Variants in AP2M1 observed in about 807,000 individuals in gnomAD.
The protein encoded by AP2M1 is adaptor related protein complex 2 subunit mu 1.
AP2M1 carries 5 observed loss-of-function variants against 54.5 expected under a neutral mutation model. The observed-to-expected ratio is 0.09, with a 90% confidence interval of 0.05 to 0.19. AP2M1 has a LOEUF of 0.19. Among genes scored for constraint, AP2M1 ranks in the 10% least tolerant of loss-of-function variants. The probability of loss-of-function intolerance (pLI) is 1.00; values close to 1 mark genes in which losing one functional copy is unlikely to be tolerated. For synonymous variants in AP2M1, 186 were observed against 208.2 expected (o/e 0.89, Z 0.92); for missense variants, 178 against 580.2 (o/e 0.31, Z 7.12).
chr3:184,181,092 G>A lies in AP2M1; in HGVS notation c.573G>A (p.Val191=), dbSNP rs778206226. The change falls in exon 7 of 12, where the codon GTG becomes GTA. Residue 191 remains valine, a synonymous_variant. Transcript: ENST00000292807. The surrounding 1 kb of genome is among the most constrained non-coding windows in gnomAD (Gnocchi z 5.7). The stretch of plus-strand genomic sequence containing the variant: ...TATCTGTTCCATCACCAGGGCAGGT[G>A]CTGAGTGCCCATGTGTCGGGCCGGG... ...VNLLMSPQGQ[V]LSAHVSGRVV... The A allele has an allele frequency of 9.0e-5, 145 of 1,614,062 alleles. 1 individual carries two copies. Among genetic ancestry groups the A allele is most frequent in the Non-Finnish European group, 8.5e-6 (10 of 1,180,042 alleles).
chr3:184,178,845 C>G lies in AP2M1; in HGVS notation c.75-12C>G, dbSNP rs975651727. 1 of 1,612,878 alleles carries G rather than the reference C, an allele frequency of 6.2e-7. No homozygotes were observed. The highest frequency in any genetic ancestry group is 8.5e-7 in the Non-Finnish European group (1 of 1,179,492). ...GGGTGCTGAGCAGGCCCTATGCACT[C>G]TTTTCCCTCAGGAGGAACGCAGTGG... is the stretch of plus-strand genomic sequence containing the variant. On this transcript the variant is annotated splice_polypyrimidine_tract_variant and intron_variant, in intron 2 of 11. Transcript: ENST00000292807. The surrounding 1 kb of genome is among the most constrained non-coding windows in gnomAD (Gnocchi z 4.9).
At chr3:184,179,496 AT>A in intron 3 of AP2M1, 1 of 272,848 alleles carries the variant, frequency 3.7e-6, no homozygotes, top group Non-Finnish European at 7.1e-6. Flanking sequence ...AGAGTGAGAT[AT>A]TACAAGCCTC....
intron 3 of AP2M1, 28 bp downstream of exon 3, chr3:184,179,150 G>A (rs757002374): frequency 3.3e-5 from 53 of 1,605,928 alleles, no homozygotes; most frequent in African/African-American, 1.2e-4. Flanking sequence ...GCACGGCAGC[G>A]GGCGTAGGGT....
chr3:184,182,907 G>A lies in AP2M1; in HGVS notation c.1173+39G>A. 1 of 1,547,698 alleles carries A rather than the reference G, an allele frequency of 6.5e-7. No individual in the cohort carries two copies. Among genetic ancestry groups the A allele is most frequent in the Non-Finnish European group, 8.9e-7 (1 of 1,122,064 alleles). On this transcript the variant is annotated intron_variant, in intron 11 of 11. Transcript: ENST00000292807. The surrounding 1 kb of genome is among the most constrained non-coding windows in gnomAD (Gnocchi z 5.5). The stretch of plus-strand genomic sequence containing the variant: ...GGGGCCTAGAGTCATGCCAGGGTAT[G>A]CTGGAAGACCTCTTAGAGATCATTC...
chr3:184,182,395 C>T lies in AP2M1; in HGVS notation c.1061+147C>T. ...TCTGCTTGTACTGTCAGTCTTTATA[C>T]CTCCATGTGAGTATGTACACGCCTG... On this transcript the variant is annotated intron_variant, in intron 10 of 11. Transcript: ENST00000292807. This position sits in a 1 kb window ranked among gnomAD's most constrained non-coding sequence, Gnocchi z 5.5. 1.2e-6 allele frequency: 1 copy of T among 824,228 alleles called. No homozygotes were observed. The highest frequency in any genetic ancestry group is 1.9e-6 in the Non-Finnish European group (1 of 532,738). 51.1% of individuals were successfully genotyped at this position (824,228 alleles called of 1,614,324 possible). A position where few individuals can be genotyped will look rare whatever the true frequency, so the allele number is the denominator to read the frequency against.
rs138630149 is a variant in AP2M1 at position 184,175,720 on chromosome 3, C to A, written c.-44+761C>A. Among the ~76,000 whole-genome samples, 186 of 152,244 alleles carry A rather than the reference C, an allele frequency of 1.2e-3. 2 individuals carry two copies. The highest frequency in any genetic ancestry group is 1.3e-3 in the Non-Finnish European group (90 of 68,024). On this transcript the variant is annotated intron_variant, in intron 1 of 11. Transcript: ENST00000292807. The stretch of plus-strand genomic sequence containing the variant: ...TTTCCCCTTAACTAAATGTTCCATT[C>A]TTGCCCAAGGCCCCCCTCTGGTTCT...
chr3:184,177,344 G>A (rs1715106844), intron 2 of AP2M1, among the ~76,000 whole-genome samples: 1 of 152,228 alleles, frequency 6.6e-6, no homozygotes. Flanking sequence ...TAGTTACAGT[G>A]CCTTTGCCCA....
chr3:184,179,742 C>T (rs1276725763), intron 3 of AP2M1, among the ~76,000 whole-genome samples: 1 of 149,512 alleles, frequency 6.7e-6, no homozygotes, highest in Non-Finnish European at 1.5e-5. Flanking sequence ...CTTACTGAAG[C>T]CTCGACCTCC....
In AP2M1 at chr3:184,178,842, A is replaced by G; in HGVS notation, c.75-15A>G. The stretch of plus-strand genomic sequence containing the variant: ...CCTGGGTGCTGAGCAGGCCCTATGC[A>G]CTCTTTTCCCTCAGGAGGAACGCAG... On this transcript the variant is annotated splice_polypyrimidine_tract_variant and intron_variant, in intron 2 of 11. Transcript: ENST00000292807. The surrounding 1 kb of genome is among the most constrained non-coding windows in gnomAD (Gnocchi z 4.9). 6.2e-7 allele frequency: 1 copy of G among 1,612,658 alleles called. No homozygotes were observed. Among genetic ancestry groups the G allele is most frequent in the Non-Finnish European group, 8.5e-7 (1 of 1,179,384 alleles).
In AP2M1 at chr3:184,181,947, G is replaced by A; in HGVS notation, c.863G>A (p.Arg288Gln). The A allele has an allele frequency of 6.2e-7, 1 of 1,614,168 alleles. No homozygotes were observed. The part of the protein sequence containing the change: ...RTTKDIILPF[R>Q]VIPLVREVGR... The stretch of plus-strand genomic sequence containing the variant: ...ACCAAGGACATCATCCTTCCCTTCC[G>A]GGTGATCCCGCTAGTGCGAGAAGTG... Residue 288 changes from arginine (R) to glutamine (Q), a missense_variant, in exon 9 of 12, where the codon CGG (arginine) becomes CAG (glutamine). This residue lies in a region of AP2M1 where 59 missense variants were observed against 176.8 expected (regional missense o/e 0.33). Transcript: ENST00000292807. The surrounding 1 kb of genome is among the most constrained non-coding windows in gnomAD (Gnocchi z 5.7).
chr3:184,180,209 C>T lies in AP2M1; in HGVS notation c.381C>T (p.Gly127=), dbSNP rs767831797. 9 of 1,614,076 alleles carry T rather than the reference C, an allele frequency of 5.6e-6. No homozygotes were observed. The highest frequency in any genetic ancestry group is 1.1e-5 in the South Asian group (1 of 91,092). Residue 127 remains glycine, a synonymous_variant, in exon 4 of 12, where the codon GGC becomes GGT. Coordinates refer to ENST00000292807, the MANE Select transcript of AP2M1 (RefSeq NM_004068.4). This position sits in a 1 kb window ranked among gnomAD's most constrained non-coding sequence, Gnocchi z 4.9. The part of the protein sequence containing the change: ...DFGYPQNSET[G]ALKTFITQQG... ...GCTACCCACAGAATTCCGAGACAGG[C>T]GCGCTGAAAACCTTCATCACGCAGC...
Position 184,180,804 on chromosome 3 carries a change from G to A in AP2M1, c.430-45G>A. 1 of 1,614,222 alleles carries A rather than the reference G, an allele frequency of 6.2e-7. No homozygotes were observed. Among genetic ancestry groups the A allele is most frequent in the Non-Finnish European group, 8.5e-7 (1 of 1,180,042 alleles). ...GGGATAGAGACAGGATGATTAAAGGGACAGAGGAGTGAGGCCATTGCTGTT... is the reference window on the plus strand; with the variant it reads ...GGGATAGAGACAGGATGATTAAAGGAACAGAGGAGTGAGGCCATTGCTGTT... On this transcript the variant is annotated intron_variant, in intron 5 of 11. Coordinates refer to ENST00000292807, the MANE Select transcript of AP2M1 (RefSeq NM_004068.4). The surrounding 1 kb of genome is among the most constrained non-coding windows in gnomAD (Gnocchi z 4.9).
Position 184,183,699 on chromosome 3 carries a change from T to C in AP2M1, c.*83T>C. On this transcript the variant is annotated 3_prime_UTR_variant, in exon 12 of 12. Transcript: ENST00000292807. This position sits in a 1 kb window ranked among gnomAD's most constrained non-coding sequence, Gnocchi z 5.7. ...CGCTCCCTCCCCCACCACACATCAG[T>C]GTCTCCTCCCTCCTGCTTTGCTGCC... 6.8e-7 allele frequency: 1 copy of C among 1,475,574 alleles called. No individual in the cohort carries two copies. The highest frequency in any genetic ancestry group is 9.3e-7 in the Non-Finnish European group (1 of 1,075,580). The allele number at this position is 1,475,574 out of a possible 1,614,324, so 91.4% of individuals were successfully genotyped here. A position where few individuals can be genotyped will look rare whatever the true frequency, so the allele number is the denominator to read the frequency against.
Position 184,181,762 on chromosome 3 carries a change from C to T in AP2M1, c.774C>T (p.Asp258=). The T allele has an allele frequency of 6.2e-7, 1 of 1,614,134 alleles. No individual in the cohort carries two copies. The highest frequency in any genetic ancestry group is 8.5e-7 in the Non-Finnish European group (1 of 1,179,982). The change falls in exon 8 of 12, where the codon GAC becomes GAT. Residue 258 remains aspartate, a synonymous_variant. Transcript: ENST00000292807. This position sits in a 1 kb window ranked among gnomAD's most constrained non-coding sequence, Gnocchi z 5.7. ...AGTGTGTGCGACTCAGCAAGTTTGA[C>T]TCTGAACGCAGCATCAGCTTTATCC... ...FHQCVRLSKF[D]SERSISFIPP...
Position 184,183,206 on chromosome 3 carries a change from T to C in AP2M1, c.1174-276T>C, listed in dbSNP as rs1715331583. The C allele has an allele frequency of 1.8e-6, 1 of 558,856 alleles. No individual in the cohort carries two copies. The highest frequency in any genetic ancestry group is 3.2e-6 in the Non-Finnish European group (1 of 313,964). 34.6% of individuals were successfully genotyped at this position (558,856 alleles called of 1,614,324 possible). A position where few individuals can be genotyped will look rare whatever the true frequency, so the allele number is the denominator to read the frequency against. ...GTTAGACATAATTTTCTCCACCTTATTTTTAAGTTCATAATATTGAGCAGG... is the reference window on the plus strand; with the variant it reads ...GTTAGACATAATTTTCTCCACCTTACTTTTAAGTTCATAATATTGAGCAGG... On this transcript the variant is annotated intron_variant, in intron 11 of 11. Transcript: ENST00000292807. The surrounding 1 kb of genome is among the most constrained non-coding windows in gnomAD (Gnocchi z 5.7).
Position 184,180,328 on chromosome 3 carries a change from G to A in AP2M1, c.423+77G>A, listed in dbSNP as rs1332323983. ...CTCAGCTGGCCCCTGAGCCTTGTCTGAGCTGACTCATGAGCCCTCCCATGA... is the reference window on the plus strand; with the variant it reads ...CTCAGCTGGCCCCTGAGCCTTGTCTAAGCTGACTCATGAGCCCTCCCATGA... On this transcript the variant is annotated intron_variant, in intron 4 of 11. Coordinates refer to ENST00000292807, the MANE Select transcript of AP2M1 (RefSeq NM_004068.4). The surrounding 1 kb of genome is among the most constrained non-coding windows in gnomAD (Gnocchi z 4.9). 1 of 1,527,352 alleles carries A rather than the reference G, an allele frequency of 6.5e-7. No individual in the cohort carries two copies. The highest frequency in any genetic ancestry group is 9.0e-7 in the Non-Finnish European group (1 of 1,114,218). 94.6% of individuals were successfully genotyped at this position (1,527,352 alleles called of 1,614,324 possible). A position where few individuals can be genotyped will look rare whatever the true frequency, so the allele number is the denominator to read the frequency against.
intron 1 of AP2M1, among the ~76,000 whole-genome samples, chr3:184,176,348 T>C (rs1032752782): frequency 6.6e-6 from 1 of 152,118 alleles, no homozygotes; most frequent in Non-Finnish European, 1.5e-5. Flanking sequence ...CTGGAAGAGG[T>C]TAAGCCACAC....
intron 1 of AP2M1, among the ~76,000 whole-genome samples, chr3:184,175,928 T>A (rs149328417): frequency 8.5e-4 from 129 of 152,350 alleles, no homozygotes; most frequent in African/African-American, 2.9e-3. Flanking sequence ...AGGCTTTATT[T>A]TCCAGTTTAG....
At position 184,181,480 on chromosome 3, in the gene AP2M1, G is replaced by A; in HGVS notation, c.708-216G>A. 2 of 816,124 alleles carry A rather than the reference G, an allele frequency of 2.5e-6. No individual in the cohort carries two copies. Among genetic ancestry groups the A allele is most frequent in the Middle Eastern group, 3.7e-4 (1 of 2,726 alleles). The allele number at this position is 816,124 out of a possible 1,614,324, so 50.6% of individuals were successfully genotyped here. A position where few individuals can be genotyped will look rare whatever the true frequency, so the allele number is the denominator to read the frequency against. The stretch of plus-strand genomic sequence containing the variant: ...CATACTGACAGCCTCTGCCCAGTGT[G>A]CCTGAAACACCCAGGTCCCTAGCAG... On this transcript the variant is annotated intron_variant, in intron 7 of 11. Transcript: ENST00000292807. The surrounding 1 kb of genome is among the most constrained non-coding windows in gnomAD (Gnocchi z 5.7).
Sources: gnomAD v4.1 joint callset for allele counts (sites outside exome capture counted in the v4.1 genomes callset) on GRCh38, gnomAD v4.1.1 for gene constraint, gnomAD v4.1.1 regional missense constraint, Gnocchi (gnomAD v3.1) non-coding constraint, MANE v1.5 for transcripts, NCBI Gene and HGNC (gene_info 2026-07-23, HGNC 2026-07-21) for gene names.